The following WDFY3 variants were observed in gnomAD, a reference collection of about 807,000 sequenced individuals.
The protein encoded by WDFY3 is WD repeat and FYVE domain containing 3, also known as WD repeat and FYVE domain-containing protein 3.
In WDFY3, 66 loss-of-function variants were observed where a neutral mutation model predicts 409.6. That is an observed-to-expected ratio of 0.16 (90% CI 0.13 to 0.20). The LOEUF (loss-of-function observed/expected upper bound fraction) is 0.20, where lower values mean the gene tolerates loss of function less well. WDFY3 is among the 10% of genes least tolerant of loss of function. The pLI is 1.00. For missense variants in WDFY3, 3,031 were observed against 4,298.1 expected (o/e 0.71, Z 8.24); for synonymous variants, 1,521 against 1,537.1 (o/e 0.99, Z 0.25).
At chr4:84,721,685 G>A (rs1034630883) in intron 46 of WDFY3, 113 bp from the exon 47 acceptor site, 13 of 1,223,136 alleles carry the variant, frequency 1.1e-5, no homozygotes, top group African/African-American at 1.5e-5. Flanking sequence ...ATTTTGGAAG[G>A]TATAGGGAGG....
At chr4:84,888,368 T>C (rs1238347543) in intron 3 of WDFY3, among the ~76,000 whole-genome samples, 1 of 152,176 alleles carries the variant, frequency 6.6e-6, no homozygotes, top group Non-Finnish European at 1.5e-5. Flanking sequence ...TTGTGACTAT[T>C]AGCAATTAAA....
chr4:84,700,163 A>G (rs143904485), intron 56 of WDFY3, among the ~76,000 whole-genome samples: 12 of 152,164 alleles, frequency 7.9e-5, no homozygotes, highest in Non-Finnish European at 1.8e-4. Flanking sequence ...ATGTTTTCTC[A>G]TAAGAGTCGT....
intron 4 of WDFY3, among the ~76,000 whole-genome samples, chr4:84,855,193 A>T (rs554621128): frequency 3.7e-4 from 56 of 152,316 alleles, no homozygotes; most frequent in African/African-American, 1.3e-3. Context: ...TAGTAGCCTC[A>T]TTTTACAGTT....
At chr4:84,695,499 C>CAGAGAGAGACAG (rs1217791319) in intron 58 of WDFY3, among the ~76,000 whole-genome samples, 13 of 73,120 alleles carry the variant, frequency 1.8e-4, no homozygotes, top group African/African-American at 5.4e-4. Flanking sequence ...CACACAGAGA[C>CAGAGAGAGACAG]AGAGAGAGAT....
At chr4:84,916,670 G>A (rs1319426770) in intron 2 of WDFY3, among the ~76,000 whole-genome samples, 4 of 152,108 alleles carry the variant, frequency 2.6e-5, no homozygotes, top group African/African-American at 9.7e-5. Flanking sequence ...GAGCTCCACT[G>A]ATCTCTAGTC....
chr4:84,910,527 T>C (rs1033326452), intron 2 of WDFY3, among the ~76,000 whole-genome samples: 1 of 152,106 alleles, frequency 6.6e-6, no homozygotes, highest in South Asian at 2.1e-4. Flanking sequence ...TATGGCCAAC[T>C]GATTTTCAAC....
intron 1 of WDFY3, among the ~76,000 whole-genome samples, chr4:84,965,212 T>C (rs1394086667): frequency 1.3e-5 from 2 of 152,200 alleles, no homozygotes; most frequent in African/African-American, 4.8e-5. Flanking sequence ...CCTGGAAATA[T>C]GCCACTATTT....
rs562104210 is a variant in WDFY3, at chr4:84,935,030, A to C, written c.-225-2667T>G. Among the ~76,000 whole-genome samples the C allele has an allele frequency of 5.9e-5, 9 of 152,204 alleles. No homozygotes were observed. In the South Asian group the frequency reaches 1.9e-3, roughly 32 times the overall value. On this transcript the variant is annotated intron_variant, in intron 1 of 67. Coordinates refer to ENST00000295888, the MANE Select transcript of WDFY3 (RefSeq NM_014991.6). ...ATATTACGTTTCTAAAACTCACCCA[A>C]CGTTGTTGCATATAGTTGTAGTTCA... is the stretch of plus-strand genomic sequence containing the variant.
chr4:84,891,859 C>A (rs930458212), intron 3 of WDFY3, among the ~76,000 whole-genome samples: 1 of 152,144 alleles, frequency 6.6e-6, no homozygotes, highest in Non-Finnish European at 1.5e-5. Flanking sequence ...ACTGCATAAT[C>A]TTTGAGCACT....
chr4:84,767,659 G>A (rs1023104755), intron 30 of WDFY3, among the ~76,000 whole-genome samples: 10 of 151,436 alleles, frequency 6.6e-5, no homozygotes, highest in African/African-American at 2.4e-4. Context: ...CCTTATTGCT[G>A]ATAGAAAGTT....
At chr4:84,840,615 C>T (rs778889696) in intron 6 of WDFY3, among the ~76,000 whole-genome samples, 4 of 152,068 alleles carry the variant, frequency 2.6e-5, no homozygotes, top group Non-Finnish European at 5.9e-5. Context: ...CAGGGTCTCA[C>T]TCTGTCACCG....
intron 14 of WDFY3, chr4:84,809,273 T>C (rs1409723867): frequency 6.6e-6 from 1 of 152,298 alleles, no homozygotes; most frequent in Non-Finnish European, 1.5e-5. Context: ...GTCTACATTT[T>C]AGCTAAAAGA....
chr4:84,711,590 T>C (rs1271167602), intron 51 of WDFY3, among the ~76,000 whole-genome samples: 1 of 152,122 alleles, frequency 6.6e-6, no homozygotes, highest in African/African-American at 2.4e-5. Context: ...CAGGGGCTCA[T>C]GCCTGTAATT....
At chr4:84,678,378 C>G (rs563922630) in intron 65 of WDFY3, 99 bp from the exon 66 acceptor site, 12 of 797,766 alleles carry the variant, frequency 1.5e-5, no homozygotes, top group East Asian at 1.0e-4. Context: ...TAGGGTACCT[C>G]AACATACAGC....
At chr4:84,823,016 A>G (rs555999531) in intron 10 of WDFY3, among the ~76,000 whole-genome samples, 1 of 152,296 alleles carries the variant, frequency 6.6e-6, no homozygotes, top group South Asian at 2.1e-4. Context: ...TATATGGAAA[A>G]TCAAAAGACT....
chr4:84,769,412 T>C (rs763072395), intron 30 of WDFY3, among the ~76,000 whole-genome samples: 1 of 151,964 alleles, frequency 6.6e-6, no homozygotes, highest in Non-Finnish European at 1.5e-5. Flanking sequence ...TTGCTTTTAT[T>C]ATTATTATTA....
chr4:84,684,954 GTGAGATT>G (rs1329932762), intron 62 of WDFY3, among the ~76,000 whole-genome samples: 1 of 152,204 alleles, frequency 6.6e-6, no homozygotes, highest in Admixed American at 6.5e-5. Context: ...CAGCAACCTT[GTGAGATT>G]ATCACTAGCC....
Position 84,690,522 on chromosome 4 carries a change from G to T in WDFY3, c.9347C>A (p.Thr3116Asn), listed in dbSNP as rs1315045089. The T allele has an allele frequency of 1.2e-6, 2 of 1,614,068 alleles. No individual in the cohort carries two copies. The highest frequency in any genetic ancestry group is 1.7e-5 in the Admixed American group (1 of 59,990). The change falls in exon 61 of 68, where the codon ACC becomes AAC. Residue 3116 changes from threonine to asparagine, a missense_variant. Physicochemically the swap from Thr to Asn is moderately conservative, Grantham distance 65. Around this residue, in one of 16 missense-constraint regions of WDFY3, gnomAD observed 152 missense variants for 193.5 expected, o/e 0.79. Coordinates refer to ENST00000295888, the MANE Select transcript of WDFY3 (RefSeq NM_014991.6). ...EMGTSKEKAK[T>N]VTLKQALLGH... ...CTCTCTTACCTGTTTGAGGGTGACG[G>T]TCTTGGCCTTTTCTTTGGAGGTGCC...
chr4:84,817,404 A>G lies in WDFY3; in HGVS notation c.1875T>C (p.Thr625=). 6.2e-7 allele frequency: 1 copy of G among 1,613,542 alleles called. No individual in the cohort carries two copies. The highest frequency in any genetic ancestry group is 1.1e-5 in the South Asian group (1 of 91,050). The change falls in exon 13 of 68, where the codon ACT becomes ACC. Residue 625 remains threonine, a synonymous_variant. Coordinates refer to ENST00000295888, the MANE Select transcript of WDFY3 (RefSeq NM_014991.6). ...SAPPTELQLK[T]DILRALLSVL... ...TTATCAAACTTACCCTTAAAATATC[A>G]GTCTTCAACTGCAATTCCGTCGGTG...
Sources: allele counts gnomAD v4.1 joint callset (sites outside exome capture counted in the v4.1 genomes callset), GRCh38; gene constraint gnomAD v4.1.1; regional missense constraint gnomAD v4.1.1; transcripts MANE v1.5; gene names NCBI Gene and HGNC (gene_info 2026-07-23, HGNC 2026-07-21).